Variants in SEC31A observed in about 807,000 individuals in gnomAD.
The protein encoded by SEC31A is SEC31 homolog A, COPII component.
Under a neutral mutation model 151.0 loss-of-function variants are expected in SEC31A, and 70 were observed. That is an observed-to-expected ratio of 0.46 (90% CI 0.38 to 0.57). The LOEUF (loss-of-function observed/expected upper bound fraction) is 0.57, where lower values mean the gene tolerates loss of function less well. Ranked by LOEUF, SEC31A falls within the 20% of genes least tolerant of loss-of-function variation. SEC31A has a pLI of 0.00. For synonymous variants in SEC31A, 475 were observed against 505.9 expected (o/e 0.94, Z 0.82); for missense variants, 1,330 against 1,471.2 (o/e 0.90, Z 1.57).
rs781418572 is a variant in SEC31A, at chr4:82,844,372, G to T, written c.2626+14C>A. 2 of 1,611,326 alleles carry T rather than the reference G, an allele frequency of 1.2e-6. No individual in the cohort carries two copies. Among genetic ancestry groups the T allele is most frequent in the Non-Finnish European group, 8.5e-7 (1 of 1,178,996 alleles). ...AATACTGCTCTGAAAGGACTTTGGG[G>T]TCACACTACTTACGCTGTGGCTGTG... On this transcript the variant is annotated intron_variant, in intron 21 of 26. Coordinates refer to ENST00000395310, the MANE Select transcript of SEC31A (RefSeq NM_001077207.4).
chr4:82,860,646 AT>A (rs11436377), intron 14 of SEC31A, among the ~76,000 whole-genome samples: 17 of 148,448 alleles, frequency 1.1e-4, no homozygotes, highest in East Asian at 2.0e-4. Context: ...CTAATTTTTT[AT>A]TTTTTTTTTT....
chr4:82,841,013 G>C (rs1728603554), intron 22 of SEC31A, among the ~76,000 whole-genome samples: 1 of 152,098 alleles, frequency 6.6e-6, no homozygotes. Context: ...TTAGCTTGCT[G>C]TAACTTTTTT....
Position 82,874,678 on chromosome 4 carries a change from C to A in SEC31A, c.572G>T (p.Gly191Val), listed in dbSNP as rs772035427. ...QHILASASPSGRATVWDLRKN... is the reference protein window; with the variant it reads ...QHILASASPSVRATVWDLRKN... The stretch of plus-strand genomic sequence containing the variant: ...TCTAAGATCCCATACAGTGGCCCGG[C>A]CACTGGGACTGGCTGATGCTAAAAT... The change falls in exon 6 of 27, where the codon GGC (glycine) becomes GTC (valine). Residue 191 changes from glycine (G) to valine (V), a missense_variant. Transcript: ENST00000395310. 6.2e-7 allele frequency: 1 copy of A among 1,613,456 alleles called. No homozygotes were observed. Among genetic ancestry groups the A allele is most frequent in the South Asian group, 1.1e-5 (1 of 90,930 alleles).
chr4:82,842,389 A>C lies in SEC31A; in HGVS notation c.2719T>G (p.Tyr907Asp). The change falls in exon 22 of 27, where the codon TAC (tyrosine) becomes GAC (aspartate). Residue 907 changes from tyrosine (Y) to aspartate (D), a missense_variant. Transcript: ENST00000395310. ...GAAGATATGTAAGGGGTGTTAGGGT[A>C]AGCGTTTGAAGTAGGAGGAGCAACA... The part of the protein sequence containing the change: ...QPVAPPTSNA[Y>D]PNTPYISSAS... The C allele has an allele frequency of 6.2e-7, 1 of 1,613,956 alleles. No homozygotes were observed. The highest frequency in any genetic ancestry group is 2.2e-5 in the East Asian group (1 of 44,862).
intron 24 of SEC31A, 87 bp from the exon 25 acceptor site, chr4:82,824,761 C>A: frequency 6.9e-7 from 1 of 1,455,560 alleles, no homozygotes; most frequent in South Asian, 1.4e-5. Flanking sequence ...AAACAGAAAC[C>A]GACAACCTTG....
At chr4:82,827,657 C>T in intron 23 of SEC31A, 25 bp from the exon 24 acceptor site, 2 of 1,605,246 alleles carry the variant, frequency 1.2e-6, no homozygotes, top group East Asian at 2.2e-5. Context: ...AAATAAAAGA[C>T]ACCAGGAGTA....
intron 1 of SEC31A, among the ~76,000 whole-genome samples, chr4:82,888,865 C>G (rs1309928116): frequency 6.6e-6 from 1 of 152,180 alleles, no homozygotes; most frequent in African/African-American, 2.4e-5. Context: ...CCCACCAGCA[C>G]TGTTCTTTGA....
rs555100562 is a variant in SEC31A, at chr4:82,826,607, C to T, written c.3291+762G>A. Reference sequence around the variant, plus strand: ...ACCTCAGGTGATCCACCCGCCTCGGCTTCCCAAAGCATTGGGATAAGAGGC... The same window carrying T: ...ACCTCAGGTGATCCACCCGCCTCGGTTTCCCAAAGCATTGGGATAAGAGGC... On this transcript the variant is annotated intron_variant, in intron 24 of 26. Transcript: ENST00000395310. 1.1e-4 allele frequency among the ~76,000 whole-genome samples: 16 copies of T among 152,374 alleles called. No individual in the cohort carries two copies. The South Asian group carries it at 3.1e-3, about 30-fold the overall frequency.
chr4:82,851,943 T>C (rs1731539457), intron 18 of SEC31A, among the ~76,000 whole-genome samples: 1 of 152,210 alleles, frequency 6.6e-6, no homozygotes, highest in African/African-American at 2.4e-5. Flanking sequence ...CTAGCCTGTA[T>C]GGGAGGAACT....
In SEC31A at chr4:82,864,379, C is replaced by A; in HGVS notation, c.1417G>T (p.Val473Leu). 1 of 1,612,756 alleles carries A rather than the reference C, an allele frequency of 6.2e-7. No homozygotes were observed. The highest frequency in any genetic ancestry group is 8.5e-7 in the Non-Finnish European group (1 of 1,178,784). ...AACTTTACCTTCAAAAAGGACCACA[C>A]ATTTTTCTCAAATTCAGTCTGAGAA... ...DASQTEFEKN[V>L]WSFLKVNFED... The change falls in exon 11 of 27, where the codon GTG becomes TTG. Residue 473 changes from valine (V) to leucine (L), a missense_variant. Transcript: ENST00000395310.
At chr4:82,839,253 C>T (rs564745413) in intron 22 of SEC31A, among the ~76,000 whole-genome samples, 1 of 152,198 alleles carries the variant, frequency 6.6e-6, no homozygotes, top group East Asian at 1.9e-4. Context: ...TGGGTTCAAG[C>T]GGTTCTCTTG....
At chr4:82,819,848 G>A (rs1192162076) in intron 26 of SEC31A, among the ~76,000 whole-genome samples, 69 of 151,500 alleles carry the variant, frequency 4.6e-4, no homozygotes, top group Non-Finnish European at 2.2e-4. Context: ...TGCAACCTCC[G>A]CCTCCCGGGT....
At chr4:82,851,651 T>G in intron 18 of SEC31A, 47 bp from the exon 19 acceptor site, 1 of 1,489,076 alleles carries the variant, frequency 6.7e-7, no homozygotes, top group Non-Finnish European at 9.2e-7. Context: ...AGACCATGTA[T>G]GAGAGGAAGC....
intron 25 of SEC31A, chr4:82,821,409 G>A (rs377100256): frequency 9.5e-5 from 23 of 241,538 alleles, no homozygotes; most frequent in East Asian, 6.0e-4. Flanking sequence ...TTTGCTGGGC[G>A]TAGTGGCAGG....
chr4:82,832,194 T>G (rs1217959272), intron 22 of SEC31A, among the ~76,000 whole-genome samples: 2 of 152,184 alleles, frequency 1.3e-5, no homozygotes, highest in Admixed American at 6.5e-5. Flanking sequence ...AGCAAGGTAC[T>G]GGTACCAAAA....
At chr4:82,821,268 G>A (rs2148900625) in intron 25 of SEC31A, 160 bp from the exon 26 acceptor site, 1 of 609,984 alleles carries the variant, frequency 1.6e-6, no homozygotes, top group Non-Finnish European at 2.9e-6. Context: ...ACAGATTATG[G>A]CCGGGCGTGG....
chr4:82,838,479 T>C (rs574192572), intron 22 of SEC31A, among the ~76,000 whole-genome samples: 90 of 152,290 alleles, frequency 5.9e-4, no homozygotes, highest in Middle Eastern at 3.4e-3. Context: ...AAAGAGCCTG[T>C]TTTCTTACCT....
At chr4:82,861,770 G>T in intron 13 of SEC31A, 62 bp from the exon 14 acceptor site, 1 of 1,123,100 alleles carries the variant, frequency 8.9e-7, no homozygotes, top group Non-Finnish European at 1.3e-6. Flanking sequence ...GGCTATTAGT[G>T]AACCAGGAAG....
chr4:82,824,034 T>C (rs939168555), intron 25 of SEC31A, among the ~76,000 whole-genome samples: 6 of 152,232 alleles, frequency 3.9e-5, no homozygotes, highest in African/African-American at 9.6e-5. Flanking sequence ...TGCCATAGGT[T>C]ATTGTGAAGA....
Sources: allele counts gnomAD v4.1 joint callset (sites outside exome capture counted in the v4.1 genomes callset), GRCh38; gene constraint gnomAD v4.1.1; transcripts MANE v1.5; gene names NCBI Gene and HGNC (gene_info 2026-07-23, HGNC 2026-07-21).